Variants in EPHA5 observed in about 807,000 individuals in gnomAD.
The protein encoded by EPHA5 is ephrin type-A receptor 5.
A neutral mutation model predicts 105.0 loss-of-function variants in EPHA5; 60 were observed. That is an observed-to-expected ratio of 0.57 (90% CI 0.46 to 0.71). EPHA5 has a LOEUF of 0.71. EPHA5 is among the 30% of genes least tolerant of loss of function. The probability of loss-of-function intolerance (pLI) is 0.00; values close to 1 mark genes in which losing one functional copy is unlikely to be tolerated. For synonymous variants in EPHA5, 513 were observed against 449.1 expected, an observed-to-expected ratio of 1.14 and a Z score of -1.80; for missense variants, 1,218 against 1,274.7, an observed-to-expected ratio of 0.96 and a Z score of 0.68.
At chr4:65,348,793 G>GTGTGTATATA (rs1172722234) in intron 13 of EPHA5, among the ~76,000 whole-genome samples, 1 of 42,852 alleles carries the variant, frequency 2.3e-5, no homozygotes, top group African/African-American at 1.0e-4. Context: ...GTGTGTGTGT[G>GTGTGTATATA]TATATATATA....
At chr4:65,600,432 A>G (rs1382528932) in intron 3 of EPHA5, among the ~76,000 whole-genome samples, 2 of 152,322 alleles carry the variant, frequency 1.3e-5, no homozygotes, top group East Asian at 3.9e-4. Flanking sequence ...GATACAAAAT[A>G]GAAACTGGTG....
chr4:65,662,801 A>G (rs1156738720), intron 1 of EPHA5, among the ~76,000 whole-genome samples: 1 of 152,130 alleles, frequency 6.6e-6, no homozygotes, highest in African/African-American at 2.4e-5. Context: ...GTGATACCAC[A>G]TTGACATCCC....
chr4:65,473,960 A>G (rs904260202), intron 5 of EPHA5, among the ~76,000 whole-genome samples: 8 of 151,120 alleles, frequency 5.3e-5, no homozygotes, highest in African/African-American at 2.0e-4. Context: ...CATGTATAAG[A>G]AATGAATTCT....
intron 7 of EPHA5, among the ~76,000 whole-genome samples, chr4:65,407,175 A>G (rs1166289116): frequency 6.6e-6 from 1 of 152,150 alleles, no homozygotes; most frequent in Non-Finnish European, 1.5e-5. Flanking sequence ...TACCTTTGGA[A>G]GAAAATTCTC....
chr4:65,565,483 TTAAAG>T (rs1560704569), intron 3 of EPHA5, among the ~76,000 whole-genome samples: 1 of 151,746 alleles, frequency 6.6e-6, no homozygotes, highest in African/African-American at 2.4e-5. Flanking sequence ...CCAATAAGGC[TTAAAG>T]TAATTTTTAT....
At chr4:65,600,187 C>A (rs1743581507) in intron 3 of EPHA5, among the ~76,000 whole-genome samples, 1 of 152,018 alleles carries the variant, frequency 6.6e-6, no homozygotes, top group Non-Finnish European at 1.5e-5. Context: ...TTACATAAAA[C>A]CTCACCTTAA....
intron 5 of EPHA5, among the ~76,000 whole-genome samples, chr4:65,425,169 T>TA (rs1560523425): frequency 6.6e-6 from 1 of 151,990 alleles, no homozygotes; most frequent in East Asian, 1.9e-4. Flanking sequence ...ATGAATGTGT[T>TA]AAAAACTTCA....
At chr4:65,458,380 T>C (rs1447463544) in intron 5 of EPHA5, among the ~76,000 whole-genome samples, 4 of 152,156 alleles carry the variant, frequency 2.6e-5, no homozygotes. Flanking sequence ...CCATTCTAAA[T>C]CTTTTATGCA....
intron 3 of EPHA5, among the ~76,000 whole-genome samples, chr4:65,591,615 A>T (rs201657177): frequency 0.27 from 39,289 of 145,684 alleles, 5,299 homozygotes; most frequent in African/African-American, 0.35. Flanking sequence ...TTTTTTTTAA[A>T]AAAAAAGCTT....
At chr4:65,458,957 A>C (rs1211476575) in intron 5 of EPHA5, among the ~76,000 whole-genome samples, 1 of 152,088 alleles carries the variant, frequency 6.6e-6, no homozygotes, top group Non-Finnish European at 1.5e-5. Context: ...ATTAATTTTA[A>C]GTGCTTAGTC....
At chr4:65,469,536 G>T (rs189968020) in intron 5 of EPHA5, among the ~76,000 whole-genome samples, 4 of 152,250 alleles carry the variant, frequency 2.6e-5, no homozygotes, top group Admixed American at 2.6e-4. Flanking sequence ...GTAGAAGAAA[G>T]CTGAGACACC....
intron 7 of EPHA5, among the ~76,000 whole-genome samples, chr4:65,413,067 T>C (rs2149014643): frequency 6.6e-6 from 1 of 152,232 alleles, no homozygotes; most frequent in East Asian, 1.9e-4. Context: ...TAGCATACCT[T>C]TTTTCCTACA....
Position 65,322,316 on chromosome 4 carries a change from A to G in EPHA5, c.*1798T>C, listed in dbSNP as rs917408630. 4.5e-6 allele frequency: 1 copy of G among 224,558 alleles called. No homozygotes were observed. The highest frequency in any genetic ancestry group is 8.9e-6 in the Non-Finnish European group (1 of 112,472). The allele number at this position is 224,558 out of a possible 1,614,324, so 13.9% of individuals were successfully genotyped here. On this transcript the variant is annotated 3_prime_UTR_variant, in exon 17 of 17. Transcript: ENST00000613740. ...GGAAGTAGTTATTTCCCAAAAGTTT[A>G]TTCTTATATGTGCTAATATTCAAAT...
Position 65,669,914 on chromosome 4 carries a change from T to C in EPHA5, c.-172A>G. On this transcript the variant is annotated 5_prime_UTR_variant, in exon 1 of 17. Coordinates refer to ENST00000613740, the MANE Select transcript of EPHA5 (RefSeq NM_001281766.3). ...GAACCACGGATCCGGCTGAGACAGC[T>C]GAAGTTTGCTTCTGGCTCCTCTCGC... 9.5e-7 allele frequency: 1 copy of C among 1,049,938 alleles called. No individual in the cohort carries two copies. 65.0% of individuals were successfully genotyped at this position (1,049,938 alleles called of 1,614,324 possible). A position where few individuals can be genotyped will look rare whatever the true frequency, so the allele number is the denominator to read the frequency against.
At chr4:65,450,827 A>G (rs976738354) in intron 5 of EPHA5, among the ~76,000 whole-genome samples, 1 of 152,122 alleles carries the variant, frequency 6.6e-6, no homozygotes, top group Non-Finnish European at 1.5e-5. Context: ...AAGAACCTCA[A>G]AATAATTGTG....
At chr4:65,591,722 CA>C (rs1742683270) in intron 3 of EPHA5, among the ~76,000 whole-genome samples, 1 of 151,834 alleles carries the variant, frequency 6.6e-6, no homozygotes, top group Admixed American at 6.6e-5. Flanking sequence ...ACGTTACTTA[CA>C]GAAGATGGAA....
intron 3 of EPHA5, among the ~76,000 whole-genome samples, chr4:65,513,983 A>G (rs1236945040): frequency 6.6e-6 from 1 of 152,112 alleles, no homozygotes; most frequent in Non-Finnish European, 1.5e-5. Context: ...CTGTTCTTCT[A>G]CTTAAAACTA....
At chr4:65,559,734 A>G (rs191775581) in intron 3 of EPHA5, among the ~76,000 whole-genome samples, 95 of 152,266 alleles carry the variant, frequency 6.2e-4, no homozygotes, top group Admixed American at 2.2e-3. Flanking sequence ...AATAAAAATA[A>G]TAATGCCAGC....
rs80338575 is a variant in EPHA5, at chr4:65,424,008, A to G, written c.1403-3443T>C. Among the ~76,000 whole-genome samples, 224 of 152,098 alleles carry G rather than the reference A, an allele frequency of 1.5e-3. 3 individuals carry two copies. The East Asian group carries it at 0.038, about 26-fold the overall frequency. On this transcript the variant is annotated intron_variant, in intron 5 of 16. Transcript: ENST00000613740. ...ACTGATGTTGCGAACTCTAATTATT[A>G]CATAAATAATTCTAGCTTTCACACC...
Sources: allele counts gnomAD v4.1 joint callset (sites outside exome capture counted in the v4.1 genomes callset), GRCh38; gene constraint gnomAD v4.1.1; transcripts MANE v1.5; gene names NCBI Gene and HGNC (gene_info 2026-07-23, HGNC 2026-07-21).